SBF2: variants seen among roughly 807,000 people sequenced by gnomAD.
The protein encoded by SBF2 is myotubularin-related protein 13.
A neutral mutation model predicts 225.2 loss-of-function variants in SBF2; 112 were observed. The ratio of observed to expected loss-of-function variants is 0.50; its 90% CI spans 0.43 to 0.58. The LOEUF is 0.58. SBF2 is among the 20% of genes least tolerant of loss of function. The probability of loss-of-function intolerance (pLI) is 0.00; values close to 1 mark genes in which losing one functional copy is unlikely to be tolerated. For missense variants in SBF2, 1,996 were observed against 2,206.2 expected, an observed-to-expected ratio of 0.90 and a Z score of 1.91; for synonymous variants, 763 against 773.3, an observed-to-expected ratio of 0.99 and a Z score of 0.22.
At chr11:10,240,259 C>CAAAAAAAAAAA (rs555675542) in intron 1 of SBF2, among the ~76,000 whole-genome samples, 1 of 93,096 alleles carries the variant, frequency 1.1e-5, no homozygotes. Context: ...ATTAAAAGAA[C>CAAAAAAAAAAA]AAAAAAAAAA....
At chr11:10,094,474 T>TA (rs1442085395) in intron 2 of SBF2, among the ~76,000 whole-genome samples, 6 of 150,926 alleles carry the variant, frequency 4.0e-5, no homozygotes, top group African/African-American at 1.5e-4. Flanking sequence ...AGTCTGTGGG[T>TA]ATGTGACTAC....
rs774844294 is a variant in SBF2 at position 10,193,982 on chromosome 11, C to T, written c.61G>A (p.Gly21Arg). 5.0e-6 allele frequency: 8 copies of T among 1,605,374 alleles called. No individual in the cohort carries two copies. The highest frequency in any genetic ancestry group is 6.0e-6 in the Non-Finnish European group (7 of 1,172,162). The change falls in exon 2 of 40, where the codon GGA becomes AGA. Residue 21 changes from glycine to arginine, a missense_variant. Physicochemically the swap from Gly to Arg is moderately radical, Grantham distance 125. Coordinates refer to ENST00000256190, the MANE Select transcript of SBF2 (RefSeq NM_030962.4). ...VGYDHEKPGS[G>R]EGLGKIIQRF... The stretch of plus-strand genomic sequence containing the variant: ...TGGATTATTTTCCCCAGACCTTCTC[C>T]TGATCCTGTTAATAAAATCAAAGTG...
At chr11:9,934,519 A>G (rs1864736595) in intron 16 of SBF2, among the ~76,000 whole-genome samples, 1 of 152,220 alleles carries the variant, frequency 6.6e-6, no homozygotes, top group African/African-American at 2.4e-5. Context: ...AGAATTTTAG[A>G]TCAATATCCC....
intron 1 of SBF2, among the ~76,000 whole-genome samples, chr11:10,246,581 T>C (rs1340321233): frequency 6.6e-6 from 1 of 152,112 alleles, no homozygotes; most frequent in Non-Finnish European, 1.5e-5. Flanking sequence ...CCACACCCAG[T>C]TGATATGCAC....
intron 2 of SBF2, among the ~76,000 whole-genome samples, chr11:10,057,453 T>C (rs980647077): frequency 3.9e-5 from 6 of 152,270 alleles, no homozygotes; most frequent in Admixed American, 2.0e-4. Flanking sequence ...CTTTCTCCCA[T>C]GGGTCCCACA....
intron 2 of SBF2, among the ~76,000 whole-genome samples, chr11:10,091,137 G>A (rs1331716896): frequency 6.6e-6 from 1 of 152,100 alleles, no homozygotes; most frequent in Non-Finnish European, 1.5e-5. Flanking sequence ...CACTCTCTGG[G>A]AATACAATGC....
chr11:9,994,932 G>T (rs1438239240), intron 9 of SBF2, among the ~76,000 whole-genome samples: 2 of 151,900 alleles, frequency 1.3e-5, no homozygotes, highest in African/African-American at 4.8e-5. Context: ...AGCTACTTGG[G>T]AGTCTGAGGC....
At chr11:9,997,604 C>G (rs966041059) in intron 9 of SBF2, among the ~76,000 whole-genome samples, 5 of 152,048 alleles carry the variant, frequency 3.3e-5, no homozygotes, top group Non-Finnish European at 5.9e-5. Context: ...CAGTGAAACC[C>G]TGTCTCTACT....
At chr11:10,276,728 G>T (rs1473466310) in intron 1 of SBF2, among the ~76,000 whole-genome samples, 1 of 152,056 alleles carries the variant, frequency 6.6e-6, no homozygotes, top group Admixed American at 6.5e-5. Context: ...GCAATAATGT[G>T]AACACACTCA....
At chr11:10,110,895 G>T (rs943620599) in intron 2 of SBF2, among the ~76,000 whole-genome samples, 1 of 152,062 alleles carries the variant, frequency 6.6e-6, no homozygotes, top group Non-Finnish European at 1.5e-5. Context: ...ATTGTAAACA[G>T]ATATAACGAT....
intron 1 of SBF2, among the ~76,000 whole-genome samples, chr11:10,275,794 C>T (rs1962913214): frequency 6.6e-6 from 1 of 152,046 alleles, no homozygotes; most frequent in Non-Finnish European, 1.5e-5. Context: ...TAGGCTCTAT[C>T]CATTTTTAAT....
In SBF2 at chr11:9,785,173, C is replaced by T; in HGVS notation, c.5183G>A (p.Arg1728Lys). ...ATACTGGCTATAGAGCGTGGCTGCT[C>T]TTCGCTCCACTCCATTGGATGGGGA... is the stretch of plus-strand genomic sequence containing the variant. ...SISPSNGVER[R>K]AATLYSQYTS... Residue 1728 changes from arginine (R) to lysine (K), a missense_variant, in exon 37 of 40, where the codon AGA becomes AAA. Transcript: ENST00000256190. 6.2e-7 allele frequency: 1 copy of T among 1,613,924 alleles called. No individual in the cohort carries two copies. Among genetic ancestry groups the T allele is most frequent in the East Asian group, 2.2e-5 (1 of 44,882 alleles).
intron 16 of SBF2, among the ~76,000 whole-genome samples, chr11:9,909,409 C>A (rs992519230): frequency 6.6e-6 from 1 of 151,920 alleles, no homozygotes; most frequent in African/African-American, 2.4e-5. Flanking sequence ...CGGTGGCTTA[C>A]GCCTGTAATC....
intron 1 of SBF2, among the ~76,000 whole-genome samples, chr11:10,259,759 G>A (rs1484206223): frequency 6.6e-6 from 1 of 151,850 alleles, no homozygotes; most frequent in Admixed American, 6.6e-5. Flanking sequence ...ATTTTAAAGG[G>A]CAACAAAATA....
intron 17 of SBF2, among the ~76,000 whole-genome samples, chr11:9,887,912 T>C (rs1860468506): frequency 6.6e-6 from 1 of 152,174 alleles, no homozygotes; most frequent in Non-Finnish European, 1.5e-5. Flanking sequence ...CCTTTTCCTA[T>C]TTTGTAAATT....
At chr11:9,873,525 C>T (rs538446608) in intron 17 of SBF2, among the ~76,000 whole-genome samples, 1 of 152,198 alleles carries the variant, frequency 6.6e-6, no homozygotes, top group South Asian at 2.1e-4. Context: ...AGCATAGTTG[C>T]ACAAGGTCAT....
At chr11:9,989,646 T>C (rs1445341845) in intron 12 of SBF2, 51 bp from the exon 13 acceptor site, 6 of 1,057,386 alleles carry the variant, frequency 5.7e-6, no homozygotes, top group Non-Finnish European at 8.7e-6. Flanking sequence ...TATGCCAAAT[T>C]CAAAAACTGT....
At chr11:9,944,535 T>C (rs1865456065) in intron 16 of SBF2, among the ~76,000 whole-genome samples, 1 of 152,162 alleles carries the variant, frequency 6.6e-6, no homozygotes, top group South Asian at 2.1e-4. Flanking sequence ...TATTTTCAAA[T>C]AGTCAAACAC....
intron 13 of SBF2, among the ~76,000 whole-genome samples, chr11:9,977,056 C>G (rs564553334): frequency 3.3e-5 from 5 of 152,248 alleles, no homozygotes; most frequent in African/African-American, 1.2e-4. Context: ...CCGCACCCCA[C>G]CCAACTGATT....
Sources: gnomAD v4.1 joint callset for allele counts (sites outside exome capture counted in the v4.1 genomes callset) on GRCh38, gnomAD v4.1.1 for gene constraint, MANE v1.5 for transcripts, NCBI Gene and HGNC (gene_info 2026-07-23, HGNC 2026-07-21) for gene names.